The following ANKRD10 variants were observed in gnomAD, a reference collection of about 807,000 sequenced individuals.
ANKRD10 encodes ankyrin repeat domain 10, also known as ankyrin repeat domain-containing protein 10.
A neutral mutation model predicts 27.0 loss-of-function variants in ANKRD10; 14 were observed. The observed-to-expected ratio is 0.52, with a 90% CI of 0.34 to 0.81. ANKRD10 has a LOEUF of 0.81. Among genes scored for constraint, ANKRD10 ranks in the 40% least tolerant of loss-of-function variants. The pLI is 0.01. For synonymous variants in ANKRD10, 250 were observed against 224.5 expected, an observed-to-expected ratio of 1.11 and a Z score of -1.01; for missense variants, 493 against 544.0, an observed-to-expected ratio of 0.91 and a Z score of 0.93.
At position 110,879,060 on chromosome 13, in the gene ANKRD10, A is replaced by G. The variant is rs2064761979; in HGVS notation, c.*577T>C. The stretch of plus-strand genomic sequence containing the variant: ...CCCAAGGCAGTGATCTTCATCATTA[A>G]GGAGGGACCACTGTGTCCACAACTA... On this transcript the variant is annotated 3_prime_UTR_variant, in exon 6 of 6. Transcript: ENST00000267339. 1 of 154,966 alleles carries G rather than the reference A, an allele frequency of 6.5e-6. No individual in the cohort carries two copies. The highest frequency in any genetic ancestry group is 2.4e-5 in the African/African-American group (1 of 41,484). The allele number at this position is 154,966 out of a possible 1,614,324, so 9.6% of individuals were successfully genotyped here.
intron 3 of ANKRD10, chr13:110,894,187 G>A: frequency 6.2e-7 from 1 of 1,611,268 alleles, no homozygotes; most frequent in East Asian, 2.2e-5. Context: ...AATGTACACT[G>A]CTCTGTGAAA....
chr13:110,885,050 TAGTCAGA>T (rs2064891608), intron 4 of ANKRD10, among the ~76,000 whole-genome samples: 1 of 151,460 alleles, frequency 6.6e-6, no homozygotes, highest in South Asian at 2.1e-4. Flanking sequence ...GGATGGGGGG[TAGTCAGA>T]AGTCTGATTA....
Position 110,900,557 on chromosome 13 carries a change from G to T in ANKRD10, c.455+5476C>A, listed in dbSNP as rs138113834. ...CAACAGTATGCCTCGTGTGCAGAAA[G>T]GAAGCGATACTGAACATTCAATGCC... On this transcript the variant is annotated intron_variant, in intron 3 of 5. Coordinates refer to ENST00000267339, the MANE Select transcript of ANKRD10 (RefSeq NM_017664.4). 1,523 of 1,346,930 alleles carry T rather than the reference G, an allele frequency of 1.1e-3. 17 individuals are homozygous for T. The African/African-American group carries it at 0.019, about 16-fold the overall frequency. The allele number at this position is 1,346,930 out of a possible 1,614,324, so 83.4% of individuals were successfully genotyped here.
At chr13:110,894,727 G>A (rs1250365157) in intron 3 of ANKRD10, 1 of 146,944 alleles carries the variant, frequency 6.8e-6, no homozygotes, top group Non-Finnish European at 1.5e-5. Flanking sequence ...GACTATTACA[G>A]ACTAAAGTCA....
chr13:110,912,203 G>A (rs1463463317), intron 1 of ANKRD10, among the ~76,000 whole-genome samples: 3 of 152,228 alleles, frequency 2.0e-5, no homozygotes, highest in Non-Finnish European at 4.4e-5. Flanking sequence ...TAGGGAACAA[G>A]CTATGCCTGA....
At position 110,880,109 on chromosome 13, in the gene ANKRD10, A is replaced by T. The variant is rs1272496744; in HGVS notation, c.791T>A (p.Met264Lys). Residue 264 changes from methionine (M) to lysine (K), a missense_variant, in exon 6 of 6, where the codon ATG becomes AAG. By Grantham distance (95) the Met-to-Lys change is moderately conservative (BLOSUM62 -1). Transcript: ENST00000267339. ...ATTCGATACGGAGCTACTGTTTTTC[A>T]TATCTGCATTAAGAAATACACCTGT... is the stretch of plus-strand genomic sequence containing the variant. ...VDREFAVVTD[M>K]KNSSSVSNTL... 1 of 1,611,318 alleles carries T rather than the reference A, an allele frequency of 6.2e-7. No homozygotes were observed. The highest frequency in any genetic ancestry group is 1.7e-5 in the Admixed American group (1 of 59,954).
At chr13:110,910,511 A>C (rs2065664908) in intron 2 of ANKRD10, 107 bp downstream of exon 2, 4 of 1,380,986 alleles carry the variant, frequency 2.9e-6, no homozygotes, top group Non-Finnish European at 3.0e-6. Flanking sequence ...CCTCAGGTAA[A>C]GATATCAAAC....
intron 1 of ANKRD10, among the ~76,000 whole-genome samples, chr13:110,912,245 T>C (rs1817784012): frequency 6.6e-6 from 1 of 152,228 alleles, no homozygotes; most frequent in Non-Finnish European, 1.5e-5. Context: ...AGGAGAGACC[T>C]CACCTGAAGA....
chr13:110,899,868 T>C (rs74545222), intron 3 of ANKRD10, among the ~76,000 whole-genome samples: 8,899 of 152,068 alleles, frequency 0.059, 366 homozygotes, highest in Middle Eastern at 0.14. Context: ...TTACTAAAGA[T>C]ACAAATGCTT....
chr13:110,881,473 T>A (rs1194523008), intron 5 of ANKRD10, among the ~76,000 whole-genome samples: 1 of 152,220 alleles, frequency 6.6e-6, no homozygotes, highest in South Asian at 2.1e-4. Flanking sequence ...TCCTTTTTTT[T>A]TATATTTAAG....
chr13:110,883,860 G>A, intron 4 of ANKRD10, 67 bp from the exon 5 acceptor site: 1 of 1,328,098 alleles, frequency 7.5e-7, no homozygotes, highest in South Asian at 1.2e-5. Context: ...CAGACACACA[G>A]TTTACATTAT....
At chr13:110,880,555 G>A (rs1241180576) in intron 5 of ANKRD10, among the ~76,000 whole-genome samples, 5 of 151,950 alleles carry the variant, frequency 3.3e-5, no homozygotes, top group Admixed American at 6.6e-5. Flanking sequence ...GTTCTCAAGC[G>A]AAAATGGAAA....
intron 2 of ANKRD10, among the ~76,000 whole-genome samples, 166 bp downstream of exon 2, chr13:110,910,452 G>C (rs2065662775): frequency 6.6e-6 from 1 of 152,098 alleles, no homozygotes; most frequent in Non-Finnish European, 1.5e-5. Context: ...CTATGGAAAG[G>C]GCCTACTATC....
intron 3 of ANKRD10, among the ~76,000 whole-genome samples, chr13:110,899,771 T>A (rs187926614): frequency 4.9e-4 from 74 of 152,006 alleles, no homozygotes; most frequent in African/African-American, 1.7e-3. Flanking sequence ...AATATTAAAA[T>A]GTGGTACAAC....
At chr13:110,893,978 T>C (rs911781953) in intron 3 of ANKRD10, 1 of 634,026 alleles carries the variant, frequency 1.6e-6, no homozygotes, top group Non-Finnish European at 2.7e-6. Context: ...AACCAAAGTT[T>C]TACCTGGCTA....
intron 1 of ANKRD10, among the ~76,000 whole-genome samples, chr13:110,911,423 A>C (rs2065704067): frequency 6.8e-6 from 1 of 147,606 alleles, no homozygotes; most frequent in African/African-American, 2.5e-5. Flanking sequence ...CTGCACTCCA[A>C]CCTGGGCAAC....
At chr13:110,882,801 C>A (rs941824659) in intron 5 of ANKRD10, among the ~76,000 whole-genome samples, 1 of 152,068 alleles carries the variant, frequency 6.6e-6, no homozygotes, top group Non-Finnish European at 1.5e-5. Flanking sequence ...TGATTTTTTT[C>A]ATGTGGGTTT....
intron 4 of ANKRD10, among the ~76,000 whole-genome samples, chr13:110,885,323 C>T (rs1054374570): frequency 1.3e-5 from 2 of 151,922 alleles, no homozygotes; most frequent in Non-Finnish European, 2.9e-5. Context: ...GAGGCCGAGG[C>T]GGGTGGATCA....
intron 3 of ANKRD10, chr13:110,894,380 C>CT (rs2065163190): frequency 6.9e-6 from 1 of 145,136 alleles, no homozygotes; most frequent in Admixed American, 9.6e-5. Flanking sequence ...ACCCTGATGC[C>CT]TTTCTTGGGG....
Sources: allele counts gnomAD v4.1 joint callset (sites outside exome capture counted in the v4.1 genomes callset), GRCh38; gene constraint gnomAD v4.1.1; transcripts MANE v1.5; gene names NCBI Gene and HGNC (gene_info 2026-07-23, HGNC 2026-07-21).